RAB11FIP3: variants seen among roughly 807,000 people sequenced by gnomAD.
RAB11FIP3 encodes rab11 family-interacting protein 3.
Under a neutral mutation model 77.8 loss-of-function variants are expected in RAB11FIP3, and 17 were observed. The observed-to-expected ratio is 0.22, with a 90% CI of 0.15 to 0.33. The LOEUF (loss-of-function observed/expected upper bound fraction) is 0.33, where lower values mean the gene tolerates loss of function less well. Among genes scored for constraint, RAB11FIP3 ranks in the 10% least tolerant of loss-of-function variants. The pLI is 1.00. For synonymous variants in RAB11FIP3, 437 were observed against 448.2 expected (o/e 0.98, Z 0.31); for missense variants, 1,005 against 1,011.2 (o/e 0.99, Z 0.08).
intron 1 of RAB11FIP3, among the ~76,000 whole-genome samples, chr16:451,062 T>C (rs1271353217): frequency 1.3e-5 from 2 of 152,136 alleles, no homozygotes; most frequent in Non-Finnish European, 2.9e-5. Context: ...ATGTATCCAC[T>C]TGGCTGTTTT....
chr16:477,211 G>T (rs940371161), intron 3 of RAB11FIP3, among the ~76,000 whole-genome samples: 2 of 151,954 alleles, frequency 1.3e-5, no homozygotes, highest in African/African-American at 2.4e-5. Flanking sequence ...CCAAGATGGC[G>T]CCACTGCACT....
At chr16:451,759 A>G in intron 1 of RAB11FIP3, among the ~76,000 whole-genome samples, 1 of 150,354 alleles carries the variant, frequency 6.7e-6, no homozygotes, top group South Asian at 2.1e-4. Flanking sequence ...TGTTTGAACC[A>G]GGGAAGCGGA....
At chr16:496,710 G>C (rs1243454779) in intron 5 of RAB11FIP3, 114 bp from the exon 6 acceptor site, 1 of 1,024,668 alleles carries the variant, frequency 9.8e-7, no homozygotes. Context: ...TGCATGCCGG[G>C]AGCATTGCTG....
In RAB11FIP3 at chr16:520,237, G is replaced by A; in HGVS notation, c.1976G>A (p.Arg659Gln). 1.9e-6 allele frequency: 3 copies of A among 1,546,250 alleles called. No individual in the cohort carries two copies. Among genetic ancestry groups the A allele is most frequent in the Non-Finnish European group, 2.6e-6 (3 of 1,148,364 alleles). ...CTGCAGGAGTACCACAGCCGCGCCC[G>A]GGAGAGCGAGCTGGAGCAGGAGGTC... is the stretch of plus-strand genomic sequence containing the variant. Reference protein sequence around the residue: ...MGLQEYHSRARESELEQEVRR... With the variant: ...MGLQEYHSRAQESELEQEVRR... The change falls in exon 12 of 14, where the codon CGG (arginine) becomes CAG (glutamine). Residue 659 changes from arginine to glutamine, a missense_variant. Transcript: ENST00000262305.
intron 1 of RAB11FIP3, among the ~76,000 whole-genome samples, chr16:451,931 C>T (rs1380189831): frequency 6.6e-6 from 1 of 152,114 alleles, no homozygotes; most frequent in Non-Finnish European, 1.5e-5. Context: ...GGTGGATTGC[C>T]TGAGGTCAGG....
At chr16:501,815 C>G (rs1362306927) in intron 6 of RAB11FIP3, among the ~76,000 whole-genome samples, 1 of 150,934 alleles carries the variant, frequency 6.6e-6, no homozygotes, top group Non-Finnish European at 1.5e-5. Flanking sequence ...GAGGGTCCCC[C>G]CATTTCACAG....
Position 496,872 on chromosome 16 carries a change from C to T in RAB11FIP3, c.1301+13C>T. On this transcript the variant is annotated intron_variant, in intron 6 of 13. Coordinates refer to ENST00000262305, the MANE Select transcript of RAB11FIP3 (RefSeq NM_014700.4). ...AGAAGGTGGCAAGGTAGGTGGGTCT[C>T]TGGTTCCTGCTGAAAAACGTTCTGA... The T allele has an allele frequency of 6.4e-7, 1 of 1,563,170 alleles. No individual in the cohort carries two copies. The highest frequency in any genetic ancestry group is 8.8e-7 in the Non-Finnish European group (1 of 1,134,194).
intron 3 of RAB11FIP3, among the ~76,000 whole-genome samples, chr16:479,404 GCAGTAAAAA>G (rs1167250670): frequency 3.9e-5 from 6 of 152,108 alleles, no homozygotes; most frequent in Admixed American, 3.3e-4. Context: ...AAAAAACACA[GCAGTAAAAA>G]CAGTAAAAAC....
chr16:513,566 G>C (rs992105266), intron 9 of RAB11FIP3, among the ~76,000 whole-genome samples: 8 of 152,208 alleles, frequency 5.3e-5, no homozygotes, highest in Non-Finnish European at 1.2e-4. Flanking sequence ...AAAGTGCTGG[G>C]ATTATGGGCA....
At chr16:499,421 C>T (rs1269595116) in intron 6 of RAB11FIP3, among the ~76,000 whole-genome samples, 1 of 152,182 alleles carries the variant, frequency 6.6e-6, no homozygotes, top group Non-Finnish European at 1.5e-5. Context: ...GGGGCGCAGC[C>T]TGCAGTTGGC....
At chr16:459,875 CTTT>C (rs1170379362) in intron 1 of RAB11FIP3, among the ~76,000 whole-genome samples, 6 of 119,330 alleles carry the variant, frequency 5.0e-5, no homozygotes, top group East Asian at 2.4e-4. Flanking sequence ...ATTGAGTTGT[CTTT>C]TTTTTTTTTT....
rs200461573 is a variant in RAB11FIP3 at position 491,281 on chromosome 16, C to T, written c.1265+2281C>T. 3.6e-4 allele frequency: 470 copies of T among 1,302,636 alleles called. 2 individuals carry two copies. Among genetic ancestry groups the T allele is most frequent in the Admixed American group, 6.9e-4 (30 of 43,564 alleles). 80.7% of individuals were successfully genotyped at this position (1,302,636 alleles called of 1,614,324 possible). ...TTGAAATGAATAGGTAACTGACCAG[C>T]GCCTGGCCTTGCTGTCTGTTCCCAG... On this transcript the variant is annotated intron_variant, in intron 5 of 13. Transcript: ENST00000262305.
rs767497397 is a variant in RAB11FIP3, at chr16:445,878, T to C, written c.715-15526T>C. Among the ~76,000 whole-genome samples, 17 of 152,174 alleles carry C rather than the reference T, an allele frequency of 1.1e-4. No homozygotes were observed. In the Middle Eastern group the frequency reaches 0.014, roughly 123 times the overall value. On this transcript the variant is annotated intron_variant, in intron 1 of 13. Transcript: ENST00000262305. ...GGGAGGCAGATGGGCAAAAGGACGT[T>C]ATGGCCTGAGCACCTAGCAGCCTCC...
At chr16:513,821 C>A (rs1055198280) in intron 9 of RAB11FIP3, among the ~76,000 whole-genome samples, 1 of 152,190 alleles carries the variant, frequency 6.6e-6, no homozygotes. Flanking sequence ...TCCGTGCCTG[C>A]CATTGCAGTG....
rs770988923 is a variant in RAB11FIP3, at chr16:520,850, G to T, written c.*11G>T. 1 of 1,607,814 alleles carries T rather than the reference G, an allele frequency of 6.2e-7. No individual in the cohort carries two copies. On this transcript the variant is annotated 3_prime_UTR_variant, in exon 14 of 14. Coordinates refer to ENST00000262305, the MANE Select transcript of RAB11FIP3 (RefSeq NM_014700.4). The stretch of plus-strand genomic sequence containing the variant: ...CTGGAGGTCAAGTAGAGGCAGGAAG[G>T]TCCAGCCTGAGCTGGATTCGGGACT...
chr16:433,903 C>G (rs188792775), intron 1 of RAB11FIP3, among the ~76,000 whole-genome samples: 183 of 150,920 alleles, frequency 1.2e-3, no homozygotes, highest in Non-Finnish European at 1.8e-3. Flanking sequence ...ATTACATTTT[C>G]TTTATCCATT....
At chr16:508,907 C>CTT (rs541232742) in intron 8 of RAB11FIP3, among the ~76,000 whole-genome samples, 6 of 142,070 alleles carry the variant, frequency 4.2e-5, no homozygotes, top group Non-Finnish European at 7.8e-5. Flanking sequence ...TTGATCAGAT[C>CTT]TTTTTTTTTT....
chr16:436,193 C>G (rs1388467570), intron 1 of RAB11FIP3, among the ~76,000 whole-genome samples: 1 of 152,126 alleles, frequency 6.6e-6, no homozygotes, highest in Non-Finnish European at 1.5e-5. Context: ...GCCTGTAATT[C>G]CAGCTACTCG....
chr16:513,837 C>T (rs1010620108), intron 9 of RAB11FIP3, among the ~76,000 whole-genome samples: 1 of 152,144 alleles, frequency 6.6e-6, no homozygotes, highest in African/African-American at 2.4e-5. Context: ...CAGTGGGGCG[C>T]CGTCTTCTGG....
Sources: gnomAD v4.1 joint callset for allele counts (sites outside exome capture counted in the v4.1 genomes callset) on GRCh38, gnomAD v4.1.1 for gene constraint, MANE v1.5 for transcripts, NCBI Gene and HGNC (gene_info 2026-07-23, HGNC 2026-07-21) for gene names.